EPB41L4B: variants seen among roughly 807,000 people sequenced by gnomAD.
The protein encoded by EPB41L4B is band 4.1-like protein 4B.
EPB41L4B carries 30 observed loss-of-function variants against 112.5 expected under a neutral mutation model. The observed-to-expected ratio is 0.27, with a 90% CI of 0.20 to 0.36. The LOEUF (loss-of-function observed/expected upper bound fraction) is 0.36. Among genes scored for constraint, EPB41L4B ranks in the 10% least tolerant of loss-of-function variants. The probability of loss-of-function intolerance (pLI) is 1.00; values close to 1 mark genes in which losing one functional copy is unlikely to be tolerated. For synonymous variants in EPB41L4B, 408 were observed against 439.7 expected (o/e 0.93, Z 0.90); for missense variants, 1,024 against 1,133.3 (o/e 0.90, Z 1.38).
chr9:109,236,791 G>A (rs1320209832), intron 15 of EPB41L4B, among the ~76,000 whole-genome samples: 2 of 152,164 alleles, frequency 1.3e-5, no homozygotes, highest in Non-Finnish European at 2.9e-5. Flanking sequence ...ATGTGCAAGG[G>A]ACCTTTAACA....
intron 1 of EPB41L4B, among the ~76,000 whole-genome samples, chr9:109,315,792 G>A (rs1468472362): frequency 6.6e-6 from 1 of 151,922 alleles, no homozygotes; most frequent in African/African-American, 2.4e-5. Flanking sequence ...CTAAAAACCT[G>A]GATTCTCCTG....
intron 16 of EPB41L4B, among the ~76,000 whole-genome samples, chr9:109,214,449 T>A (rs949455479): frequency 1.3e-5 from 2 of 152,308 alleles, no homozygotes; most frequent in Middle Eastern, 3.4e-3. Context: ...AATTTTAATC[T>A]AATGGGGATG....
intron 15 of EPB41L4B, among the ~76,000 whole-genome samples, chr9:109,229,805 T>C (rs76700923): frequency 0.011 from 1,688 of 152,272 alleles, 36 homozygotes; most frequent in African/African-American, 0.039. Context: ...TTGGAGTAAG[T>C]GGGCAGGACA....
chr9:109,287,381 C>T (rs1159102807), intron 1 of EPB41L4B, among the ~76,000 whole-genome samples: 1 of 152,126 alleles, frequency 6.6e-6, no homozygotes, highest in Non-Finnish European at 1.5e-5. Flanking sequence ...CAGATCTGGT[C>T]CCGGAAGAAC....
intron 11 of EPB41L4B, 66 bp downstream of exon 11, chr9:109,255,445 C>A (rs1205363471): frequency 6.3e-7 from 1 of 1,581,136 alleles, no homozygotes; most frequent in Non-Finnish European, 8.6e-7. Context: ...TATTCGCATA[C>A]AAGAAAGAAA....
At chr9:109,198,591 A>G (rs569104100) in intron 20 of EPB41L4B, among the ~76,000 whole-genome samples, 1 of 152,276 alleles carries the variant, frequency 6.6e-6, no homozygotes, top group African/African-American at 2.4e-5. Context: ...CACAGTACCC[A>G]TGCCATAGCT....
At chr9:109,203,371 G>C (rs1253088885) in intron 19 of EPB41L4B, among the ~76,000 whole-genome samples, 1 of 152,112 alleles carries the variant, frequency 6.6e-6, no homozygotes, top group Non-Finnish European at 1.5e-5. Flanking sequence ...GCCTTTAAAG[G>C]GCTTTAAGCA....
At chr9:109,239,244 T>C in intron 15 of EPB41L4B, among the ~76,000 whole-genome samples, 1 of 152,186 alleles carries the variant, frequency 6.6e-6, no homozygotes, top group East Asian at 1.9e-4. Context: ...TGGATATGGG[T>C]GGCGACAGGG....
At chr9:109,284,070 G>A (rs955050545) in intron 1 of EPB41L4B, among the ~76,000 whole-genome samples, 1 of 151,966 alleles carries the variant, frequency 6.6e-6, no homozygotes, top group African/African-American at 2.4e-5. Flanking sequence ...GTGACAGAGT[G>A]ACACCTTGAC....
chr9:109,216,981 G>T lies in EPB41L4B; in HGVS notation c.1574C>A (p.Thr525Asn). The stretch of plus-strand genomic sequence containing the variant: ...CAGAGGCCCCTCTTTGTTCTCCAGG[G>T]TCAGTGAGAGGCTGTAGTTTGAGTG... ...QHHSNYSLSL[T>N]LENKEGPLRS... The change falls in exon 16 of 26, where the codon ACC becomes AAC. Residue 525 changes from threonine to asparagine, a missense_variant. By Grantham distance (65) the Thr-to-Asn change is moderately conservative. Transcript: ENST00000374566. 6.2e-7 allele frequency: 1 copy of T among 1,614,194 alleles called. No homozygotes were observed. The highest frequency in any genetic ancestry group is 1.3e-5 in the African/African-American group (1 of 75,042).
chr9:109,250,822 G>T (rs1834759530), intron 13 of EPB41L4B, among the ~76,000 whole-genome samples: 1 of 152,168 alleles, frequency 6.6e-6, no homozygotes, highest in African/African-American at 2.4e-5. Flanking sequence ...GCCAAATCTG[G>T]TCCACTGATA....
chr9:109,265,386 G>T (rs774481280), intron 4 of EPB41L4B, among the ~76,000 whole-genome samples: 5 of 152,226 alleles, frequency 3.3e-5, no homozygotes, highest in Admixed American at 1.3e-4. Flanking sequence ...TGGGGCCGCG[G>T]GGTCTGGCTC....
At chr9:109,213,196 C>A (rs749329906) in intron 17 of EPB41L4B, among the ~76,000 whole-genome samples, 1 of 152,158 alleles carries the variant, frequency 6.6e-6, no homozygotes, top group Non-Finnish European at 1.5e-5. Context: ...TGGTATGTAT[C>A]GTTCTAAGAT....
intron 24 of EPB41L4B, among the ~76,000 whole-genome samples, chr9:109,179,497 C>T (rs1056216484): frequency 2.0e-5 from 3 of 152,124 alleles, no homozygotes; most frequent in African/African-American, 7.2e-5. Context: ...GTCACTGCCT[C>T]CCTAGTCATT....
intron 1 of EPB41L4B, among the ~76,000 whole-genome samples, chr9:109,295,190 C>G (rs1836690740): frequency 6.6e-6 from 1 of 152,164 alleles, no homozygotes; most frequent in Non-Finnish European, 1.5e-5. Flanking sequence ...CACTCCTGGA[C>G]TTTGTGCCTA....
intron 15 of EPB41L4B, among the ~76,000 whole-genome samples, chr9:109,226,626 A>ATATATATATATATATG (rs1554750149): frequency 1.5e-5 from 2 of 132,264 alleles, no homozygotes; most frequent in African/African-American, 5.8e-5. Flanking sequence ...ATATATATAT[A>ATATATATATATATATG]TATGAAGAAT....
At chr9:109,307,216 T>C (rs1265465267) in intron 1 of EPB41L4B, 7 of 492,000 alleles carry the variant, frequency 1.4e-5, no homozygotes, top group South Asian at 9.0e-5. Flanking sequence ...AAAGACAGCA[T>C]TAAATTTTTC....
intron 22 of EPB41L4B, among the ~76,000 whole-genome samples, chr9:109,187,637 C>T (rs1216073969): frequency 6.6e-6 from 1 of 152,174 alleles, no homozygotes; most frequent in African/African-American, 2.4e-5. Context: ...CAACCAGAAA[C>T]AACTACAACA....
intron 20 of EPB41L4B, among the ~76,000 whole-genome samples, chr9:109,197,248 C>T (rs971647270): frequency 6.6e-6 from 1 of 152,120 alleles, no homozygotes; most frequent in African/African-American, 2.4e-5. Context: ...CATGGGGAAA[C>T]CCTGTCTCTA....
Sources: allele counts gnomAD v4.1 joint callset (sites outside exome capture counted in the v4.1 genomes callset), GRCh38; gene constraint gnomAD v4.1.1; transcripts MANE v1.5; gene names NCBI Gene and HGNC (gene_info 2026-07-23, HGNC 2026-07-21).